PCYT1A: variants seen among roughly 807,000 people sequenced by gnomAD.
PCYT1A encodes the protein choline-phosphate cytidylyltransferase A.
In PCYT1A, 25 loss-of-function variants were observed where a neutral mutation model predicts 43.7. That is an observed-to-expected ratio of 0.57 (90% confidence interval 0.42 to 0.80). PCYT1A has a LOEUF of 0.80. Among genes scored for constraint, PCYT1A ranks in the 30% least tolerant of loss-of-function variants. The probability of loss-of-function intolerance (pLI) is 0.00; values close to 1 mark genes in which losing one functional copy is unlikely to be tolerated. For synonymous variants in PCYT1A, 172 were observed against 170.7 expected, an observed-to-expected ratio of 1.01 and a Z score of -0.06; for missense variants, 421 against 474.2, an observed-to-expected ratio of 0.89 and a Z score of 1.04.
chr3:196,266,464 C>G (rs1314985557), intron 2 of PCYT1A, among the ~76,000 whole-genome samples: 2 of 151,956 alleles, frequency 1.3e-5, no homozygotes, highest in Non-Finnish European at 2.9e-5. Flanking sequence ...CAGAGCAAGA[C>G]TCCATCTCAA....
At position 196,270,444 on chromosome 3, in the gene PCYT1A, C is replaced by T. The variant is rs749118491; in HGVS notation, c.88G>A (p.Val30Ile). The T allele has an allele frequency of 7.4e-6, 12 of 1,612,988 alleles. No homozygotes were observed. The highest frequency in any genetic ancestry group is 9.3e-6 in the Non-Finnish European group (11 of 1,179,088). Reference protein sequence around the residue: ...GPNGATEEDGVPSKVQRCAVG... With the variant: ...GPNGATEEDGIPSKVQRCAVG... ...GCACAGCGCTGCACTTTGGAAGGAA[C>T]CCCATCTTCTTCTGTTGCCCCGTTG... Residue 30 changes from valine (V) to isoleucine (I), a missense_variant, in exon 2 of 9, where the codon GTT (valine) becomes ATT (isoleucine). By Grantham distance (29) the Val-to-Ile change is conservative. Transcript: ENST00000431016.
chr3:196,285,733 C>T (rs140917518), intron 1 of PCYT1A, among the ~76,000 whole-genome samples: 1 of 152,112 alleles, frequency 6.6e-6, no homozygotes, highest in African/African-American at 2.4e-5. Context: ...ATTGACACTG[C>T]GAGTGTCATC....
intron 3 of PCYT1A, among the ~76,000 whole-genome samples, chr3:196,253,196 G>A (rs1229222471): frequency 6.6e-6 from 1 of 152,014 alleles, no homozygotes; most frequent in Non-Finnish European, 1.5e-5. Context: ...AATTAGCTGG[G>A]TATGGTGGTG....
Position 196,248,343 on chromosome 3 carries a change from T to A in PCYT1A, c.218-20A>T. On this transcript the variant is annotated intron_variant, in intron 3 of 8. Coordinates refer to ENST00000431016, the MANE Select transcript of PCYT1A (RefSeq NM_001312673.2). ...GCTCACCTAAATCCAAATGAAAGAA[T>A]TGATCACAAAAATACCTTTTTTTTT... 7.3e-7 allele frequency: 1 copy of A among 1,373,014 alleles called. No individual in the cohort carries two copies. Among genetic ancestry groups the A allele is most frequent in the Non-Finnish European group, 1.0e-6 (1 of 964,736 alleles). The allele number at this position is 1,373,014 out of a possible 1,614,324, so 85.1% of individuals were successfully genotyped here.
At chr3:196,264,554 C>T (rs118092466) in intron 2 of PCYT1A, among the ~76,000 whole-genome samples, 5 of 152,268 alleles carry the variant, frequency 3.3e-5, no homozygotes, top group East Asian at 3.9e-4. Flanking sequence ...CTTTTGATGA[C>T]GCTTTTCCCA....
chr3:196,258,420 T>C (rs2108772061), intron 2 of PCYT1A, among the ~76,000 whole-genome samples: 1 of 152,332 alleles, frequency 6.6e-6, no homozygotes, highest in South Asian at 2.1e-4. Flanking sequence ...TTGATTTGTA[T>C]TTGTGTTTGT....
intron 7 of PCYT1A, chr3:196,240,860 A>G (rs1256649939): frequency 2.0e-5 from 3 of 152,126 alleles, no homozygotes; most frequent in African/African-American, 7.2e-5. Flanking sequence ...AGATGTAATC[A>G]TTTTATCCAT....
chr3:196,251,670 T>A (rs1266999137), intron 3 of PCYT1A: 1 of 152,214 alleles, frequency 6.6e-6, no homozygotes, highest in Non-Finnish European at 1.5e-5. Context: ...GTACTGTTTA[T>A]AATAGCAACA....
In PCYT1A at chr3:196,242,484, C is replaced by T; in HGVS notation, c.565+78G>A. The T allele has an allele frequency of 1.0e-6, 1 of 961,148 alleles. No individual in the cohort carries two copies. The highest frequency in any genetic ancestry group is 1.7e-6 in the Non-Finnish European group (1 of 583,906). 59.5% of individuals were successfully genotyped at this position (961,148 alleles called of 1,614,324 possible). ...TTGAATTTCTAATGTACACATTTTC[C>T]TCTGTAAAGCAGCAACATGGCTGAA... On this transcript the variant is annotated intron_variant, in intron 6 of 8. Transcript: ENST00000431016. The surrounding 1 kb of genome is among the most constrained non-coding windows in gnomAD (Gnocchi z 4.2).
chr3:196,249,313 ATT>A (rs10668425), intron 3 of PCYT1A, among the ~76,000 whole-genome samples: 4 of 125,784 alleles, frequency 3.2e-5, no homozygotes, highest in Non-Finnish European at 1.6e-5. Context: ...TGCCCAGCTA[ATT>A]TTTTTTTTTT....
At chr3:196,276,260 G>A (rs374341472) in intron 1 of PCYT1A, among the ~76,000 whole-genome samples, 11 of 151,712 alleles carry the variant, frequency 7.3e-5, no homozygotes, top group Admixed American at 2.6e-4. Context: ...AACATATATC[G>A]AAGTATCACA....
In PCYT1A at chr3:196,247,729, T is replaced by A; in HGVS notation, c.335-211A>T. ...GAGCAACACTCACTAAACAGTATGT[T>A]CATACTTTGGAGAAGGGACAGTACA... On this transcript the variant is annotated intron_variant, in intron 4 of 8. Coordinates refer to ENST00000431016, the MANE Select transcript of PCYT1A (RefSeq NM_001312673.2). This position sits in a 1 kb window ranked among gnomAD's most constrained non-coding sequence, Gnocchi z 4.8. 1 of 684,292 alleles carries A rather than the reference T, an allele frequency of 1.5e-6. No homozygotes were observed. Among genetic ancestry groups the A allele is most frequent in the South Asian group, 1.5e-5 (1 of 66,560 alleles). 42.4% of individuals were successfully genotyped at this position (684,292 alleles called of 1,614,324 possible).
intron 3 of PCYT1A, among the ~76,000 whole-genome samples, chr3:196,253,874 T>C (rs1169533758): frequency 6.6e-6 from 1 of 151,608 alleles, no homozygotes; most frequent in Non-Finnish European, 1.5e-5. Flanking sequence ...ATTTAATGTA[T>C]GTTATAGTAT....
intron 7 of PCYT1A, 85 bp from the exon 8 acceptor site, chr3:196,239,820 A>G (rs912394488): frequency 1.6e-5 from 13 of 835,700 alleles, no homozygotes; most frequent in African/African-American, 3.4e-5. Context: ...TGGCTCAAGC[A>G]CTCAATTGAC....
rs1373375403 is a variant in PCYT1A, at chr3:196,238,820, A to AG, written c.971dup (p.Thr325TyrfsTer36). 1 of 1,572,300 alleles carries AG rather than the reference A, an allele frequency of 6.4e-7. No individual in the cohort carries two copies. Among genetic ancestry groups the AG allele is most frequent in the Admixed American group, 1.8e-5 (1 of 54,276 alleles). ...AGGGGGAGGGGGAGCGCTCGCGAGT[A>AG]GGGCTGCTGCTGGGGCTCTGCTTCG... On this transcript the variant is annotated frameshift_variant, in exon 9 of 9. Coordinates refer to ENST00000431016, the MANE Select transcript of PCYT1A (RefSeq NM_001312673.2). LOFTEE classifies it high-confidence loss of function.
Position 196,242,207 on chromosome 3 carries a change from A to G in PCYT1A, c.566-117T>C, listed in dbSNP as rs1057275536. On this transcript the variant is annotated intron_variant, in intron 6 of 8. Transcript: ENST00000431016. The surrounding 1 kb of genome is among the most constrained non-coding windows in gnomAD (Gnocchi z 4.2). Reference sequence around the variant, plus strand: ...CTTTCCTCAAAAAGCAGAATCTGTTATTACTAAATGAAACTGAAAGATACT... The same window carrying G: ...CTTTCCTCAAAAAGCAGAATCTGTTGTTACTAAATGAAACTGAAAGATACT... The G allele has an allele frequency of 5.8e-6, 6 of 1,032,666 alleles. No homozygotes were observed. Among genetic ancestry groups the G allele is most frequent in the Non-Finnish European group, 8.8e-6 (6 of 681,106 alleles). 64.0% of individuals were successfully genotyped at this position (1,032,666 alleles called of 1,614,324 possible).
chr3:196,245,721 G>A (rs1577357006), intron 5 of PCYT1A, among the ~76,000 whole-genome samples: 1 of 151,998 alleles, frequency 6.6e-6, no homozygotes. Context: ...ATAGGAGGCC[G>A]GGTGGATCAC....
chr3:196,286,513 A>G (rs1468915245), intron 1 of PCYT1A, among the ~76,000 whole-genome samples: 9 of 152,358 alleles, frequency 5.9e-5, no homozygotes, highest in South Asian at 2.1e-4. Context: ...TCTATTTTAC[A>G]TCATAATCTC....
rs970958046 is a variant in PCYT1A, at chr3:196,257,662, C to G, written c.217+126G>C. The G allele has an allele frequency of 1.3e-5, 8 of 595,800 alleles. No individual in the cohort carries two copies. In the African/African-American group the frequency reaches 1.5e-4, roughly 11 times the overall value. The allele number at this position is 595,800 out of a possible 1,614,324, so 36.9% of individuals were successfully genotyped here. ...AGAACATCAAGACAGGTGAGAAGAA[C>G]CCCTTCGCTGCTGGCCTTTGCAAGT... is the stretch of plus-strand genomic sequence containing the variant. On this transcript the variant is annotated intron_variant, in intron 3 of 8. Coordinates refer to ENST00000431016, the MANE Select transcript of PCYT1A (RefSeq NM_001312673.2).
Sources: gnomAD v4.1 joint callset for allele counts (sites outside exome capture counted in the v4.1 genomes callset) on GRCh38, gnomAD v4.1.1 for gene constraint, Gnocchi (gnomAD v3.1) non-coding constraint, MANE v1.5 for transcripts, NCBI Gene and HGNC (gene_info 2026-07-23, HGNC 2026-07-21) for gene names.